Variants in SLC35F1 observed in about 807,000 individuals in gnomAD.
SLC35F1 encodes the protein solute carrier family 35 member F1.
In SLC35F1, 14 loss-of-function variants were observed where a neutral mutation model predicts 48.7. That is an observed-to-expected ratio of 0.29 (90% CI 0.19 to 0.45). The LOEUF (loss-of-function observed/expected upper bound fraction) is 0.45, where lower values mean the gene tolerates loss of function less well. SLC35F1 is among the 20% of genes least tolerant of loss of function. SLC35F1 has a pLI of 1.00. For missense variants in SLC35F1, 404 were observed against 500.0 expected (o/e 0.81, Z 1.83); for synonymous variants, 190 against 202.2 (o/e 0.94, Z 0.51).
intron 6 of SLC35F1, among the ~76,000 whole-genome samples, chr6:118,282,893 A>G (rs954122638): frequency 6.6e-6 from 1 of 152,122 alleles, no homozygotes; most frequent in Admixed American, 6.6e-5. Context: ...TGACACCGCC[A>G]TTCTAACTGG....
At chr6:118,214,489 G>A (rs1174715081) in intron 2 of SLC35F1, among the ~76,000 whole-genome samples, 2 of 152,252 alleles carry the variant, frequency 1.3e-5, no homozygotes, top group African/African-American at 2.4e-5. Context: ...CATACAAAAT[G>A]TGATGGTATA....
At chr6:118,239,494 CTT>C (rs5879455) in intron 3 of SLC35F1, among the ~76,000 whole-genome samples, 61 of 149,258 alleles carry the variant, frequency 4.1e-4, no homozygotes, top group East Asian at 3.9e-3. Context: ...CCATAGTTGG[CTT>C]TTTTTTTTCT....
At chr6:117,907,979 G>T (rs1775714966) in intron 1 of SLC35F1, 80 bp downstream of exon 1, 11 of 1,226,446 alleles carry the variant, frequency 9.0e-6, no homozygotes, top group Non-Finnish European at 1.1e-5. Flanking sequence ...TCCCTGGGGC[G>T]GCCCACGGGT....
At chr6:118,047,885 C>A (rs1208161006) in intron 1 of SLC35F1, among the ~76,000 whole-genome samples, 2 of 152,098 alleles carry the variant, frequency 1.3e-5, no homozygotes, top group Non-Finnish European at 2.9e-5. Context: ...CCTTCTCCTG[C>A]CTAATTGCCC....
chr6:118,111,135 C>A (rs1449927483), intron 1 of SLC35F1, among the ~76,000 whole-genome samples: 1 of 151,844 alleles, frequency 6.6e-6, no homozygotes, highest in African/African-American at 2.4e-5. Context: ...ATGGGAATAC[C>A]AGAGGGAAAA....
At chr6:118,078,681 G>A (rs1165557627) in intron 1 of SLC35F1, among the ~76,000 whole-genome samples, 7 of 152,136 alleles carry the variant, frequency 4.6e-5, no homozygotes, top group Non-Finnish European at 1.0e-4. Context: ...TAATCTCTCT[G>A]TCAAGACTCT....
chr6:117,952,999 C>A (rs190320601), intron 1 of SLC35F1, among the ~76,000 whole-genome samples: 2 of 152,272 alleles, frequency 1.3e-5, no homozygotes, highest in East Asian at 3.9e-4. Context: ...CAGAGAGAAG[C>A]GAGAGAAGTG....
chr6:118,302,242 T>C (rs1370567231), intron 7 of SLC35F1, among the ~76,000 whole-genome samples: 3 of 152,128 alleles, frequency 2.0e-5, no homozygotes, highest in Admixed American at 2.0e-4. Context: ...TGAGCTAAGA[T>C]GTGTGAGAGA....
At chr6:118,140,317 C>T (rs1405929827) in intron 1 of SLC35F1, among the ~76,000 whole-genome samples, 1 of 152,180 alleles carries the variant, frequency 6.6e-6, no homozygotes, top group East Asian at 1.9e-4. Context: ...GCACATATAA[C>T]AGTGGTCCCA....
At chr6:117,966,614 G>A (rs1776574593) in intron 1 of SLC35F1, among the ~76,000 whole-genome samples, 2 of 152,202 alleles carry the variant, frequency 1.3e-5, no homozygotes, top group Non-Finnish European at 1.5e-5. Context: ...CTTCATTCTT[G>A]AAGTCAGCGA....
At chr6:118,090,169 TA>T (rs1412394556) in intron 1 of SLC35F1, among the ~76,000 whole-genome samples, 1 of 152,224 alleles carries the variant, frequency 6.6e-6, no homozygotes, top group Non-Finnish European at 1.5e-5. Context: ...AGGTGGGTTA[TA>T]AATTTTGGAA....
At chr6:117,993,176 G>T (rs1776942340) in intron 1 of SLC35F1, among the ~76,000 whole-genome samples, 1 of 152,102 alleles carries the variant, frequency 6.6e-6, no homozygotes, top group Non-Finnish European at 1.5e-5. Context: ...ATGGGTGCCT[G>T]GCCAGAGCTG....
chr6:118,092,325 T>TATATAATAAATA (rs1423505128), intron 1 of SLC35F1, among the ~76,000 whole-genome samples: 1 of 152,164 alleles, frequency 6.6e-6, no homozygotes, highest in East Asian at 1.9e-4. Flanking sequence ...GTTGAGCCTG[T>TATATAATAAATA]AGGAATAAAG....
rs1393973286 is a variant in SLC35F1 at position 118,317,450 on chromosome 6, A to G, written c.*3198A>G. 1 of 152,134 alleles carries G rather than the reference A, an allele frequency of 6.6e-6. No individual in the cohort carries two copies. The highest frequency in any genetic ancestry group is 2.4e-5 in the African/African-American group (1 of 41,362). 9.4% of individuals were successfully genotyped at this position (152,134 alleles called of 1,614,324 possible). A position where few individuals can be genotyped will look rare whatever the true frequency, so the allele number is the denominator to read the frequency against. ...TAGTAGTCCCCAGCTAGCTACCAGT[A>G]CAGATTTTACCCCATGGGTAGGATT... On this transcript the variant is annotated 3_prime_UTR_variant, in exon 8 of 8. Coordinates refer to ENST00000360388, the MANE Select transcript of SLC35F1 (RefSeq NM_001029858.4).
intron 1 of SLC35F1, among the ~76,000 whole-genome samples, chr6:118,137,876 C>T (rs149373364): frequency 6.6e-6 from 1 of 152,274 alleles, no homozygotes; most frequent in Admixed American, 6.5e-5. Context: ...TGTCCTTCCT[C>T]TAGGTAATGT....
chr6:117,923,074 C>G (rs1775920865), intron 1 of SLC35F1, among the ~76,000 whole-genome samples: 1 of 152,176 alleles, frequency 6.6e-6, no homozygotes, highest in African/African-American at 2.4e-5. Flanking sequence ...GAGAATATAT[C>G]TGTGCAACAG....
chr6:118,008,655 C>T (rs973707385), intron 1 of SLC35F1, among the ~76,000 whole-genome samples: 2 of 152,106 alleles, frequency 1.3e-5, no homozygotes, highest in African/African-American at 2.4e-5. Context: ...GATAAGAGAA[C>T]CTTTTCTGGA....
At chr6:118,167,159 C>T (rs889218535) in intron 2 of SLC35F1, among the ~76,000 whole-genome samples, 1 of 152,094 alleles carries the variant, frequency 6.6e-6, no homozygotes, top group African/African-American at 2.4e-5. Flanking sequence ...GATGATCTCC[C>T]TTCTCCTACC....
At chr6:118,182,906 A>C (rs1774603647) in intron 2 of SLC35F1, among the ~76,000 whole-genome samples, 1 of 152,184 alleles carries the variant, frequency 6.6e-6, no homozygotes, top group Non-Finnish European at 1.5e-5. Context: ...TATGTTTTCA[A>C]AACCAAATTT....
Sources: gnomAD v4.1 joint callset for allele counts (sites outside exome capture counted in the v4.1 genomes callset) on GRCh38, gnomAD v4.1.1 for gene constraint, MANE v1.5 for transcripts, NCBI Gene and HGNC (gene_info 2026-07-23, HGNC 2026-07-21) for gene names.